RBL1: variants seen among roughly 807,000 people sequenced by gnomAD.
RBL1 encodes retinoblastoma-like protein 1.
RBL1 carries 82 observed loss-of-function variants against 123.0 expected under a neutral mutation model. The ratio of observed to expected loss-of-function variants is 0.67; its 90% CI spans 0.56 to 0.80. RBL1 has a LOEUF of 0.80. RBL1 is among the 30% of genes least tolerant of loss of function. The probability of loss-of-function intolerance (pLI) is 0.00; values close to 1 mark genes in which losing one functional copy is unlikely to be tolerated. For synonymous variants in RBL1, 405 were observed against 441.3 expected, an observed-to-expected ratio of 0.92 and a Z score of 1.03; for missense variants, 1,171 against 1,299.6, an observed-to-expected ratio of 0.90 and a Z score of 1.52.
At position 36,998,744 on chromosome 20, in the gene RBL1, G is replaced by A; in HGVS notation, c.*15C>T. 6.3e-7 allele frequency: 1 copy of A among 1,596,726 alleles called. No individual in the cohort carries two copies. The highest frequency in any genetic ancestry group is 8.6e-7 in the Non-Finnish European group (1 of 1,169,478). Reference sequence around the variant, plus strand: ...ACAATCTGAAAGTGCTTTTATCATAGAAACAAGAACAACATTAATGATTTG... The same window carrying A: ...ACAATCTGAAAGTGCTTTTATCATAAAAACAAGAACAACATTAATGATTTG... On this transcript the variant is annotated 3_prime_UTR_variant, in exon 22 of 22. Coordinates refer to ENST00000373664, the MANE Select transcript of RBL1 (RefSeq NM_002895.5).
chr20:37,014,135 C>T (rs1002878225), intron 19 of RBL1, among the ~76,000 whole-genome samples: 1 of 148,046 alleles, frequency 6.8e-6, no homozygotes, highest in East Asian at 2.0e-4. Flanking sequence ...TGGAGTACAG[C>T]GGCAAGATCA....
At chr20:36,999,845 C>T (rs1260538992) in intron 21 of RBL1, among the ~76,000 whole-genome samples, 4 of 152,198 alleles carry the variant, frequency 2.6e-5, no homozygotes, top group Non-Finnish European at 5.9e-5. Context: ...CTCGCTACAA[C>T]CTCCACTTCC....
At chr20:37,041,142 G>A (rs1349970942) in intron 13 of RBL1, among the ~76,000 whole-genome samples, 4 of 151,790 alleles carry the variant, frequency 2.6e-5, no homozygotes, top group Non-Finnish European at 2.9e-5. Context: ...TTGGGATTAG[G>A]GAAAAATTCA....
chr20:36,998,458 C>T lies in RBL1; in HGVS notation c.*301G>A, dbSNP rs112578965. 904 of 221,842 alleles carry T rather than the reference C, an allele frequency of 4.1e-3. 10 individuals are homozygous for T. Among genetic ancestry groups the T allele is most frequent in the African/African-American group, 0.02 (852 of 42,608 alleles). The allele number at this position is 221,842 out of a possible 1,614,324, so 13.7% of individuals were successfully genotyped here. A position where few individuals can be genotyped will look rare whatever the true frequency, so the allele number is the denominator to read the frequency against. ...AGGCTGGTCTCGAACTCCTGACCTC[C>T]GGTGATCTGCCCGCCTTGGCCTCCC... is the stretch of plus-strand genomic sequence containing the variant. On this transcript the variant is annotated 3_prime_UTR_variant, in exon 22 of 22. Transcript: ENST00000373664.
intron 19 of RBL1, among the ~76,000 whole-genome samples, chr20:37,013,809 A>G (rs914846145): frequency 6.6e-6 from 1 of 152,114 alleles, no homozygotes; most frequent in Non-Finnish European, 1.5e-5. Context: ...CCTGTTCTTG[A>G]GCAAATCTTT....
At chr20:37,090,647 G>C (rs1195010113) in intron 1 of RBL1, among the ~76,000 whole-genome samples, 2 of 152,198 alleles carry the variant, frequency 1.3e-5, no homozygotes, top group African/African-American at 4.8e-5. Context: ...CTTAATGACA[G>C]GGATATATTC....
At chr20:37,006,039 G>C (rs908335333) in intron 20 of RBL1, among the ~76,000 whole-genome samples, 4 of 150,846 alleles carry the variant, frequency 2.7e-5, no homozygotes, top group African/African-American at 9.7e-5. Context: ...GGGACTAAAG[G>C]TGTGTACCAG....
chr20:37,028,941 G>A (rs1201439129), intron 16 of RBL1, among the ~76,000 whole-genome samples: 1 of 152,116 alleles, frequency 6.6e-6, no homozygotes, highest in African/African-American at 2.4e-5. Context: ...GAATATTGGC[G>A]CAAAAATCCT....
rs774211480 is a variant in RBL1, at chr20:37,032,677, T to C, written c.2370A>G (p.Leu790=). ...TAAAAACACATACCTTTCTGTAAAA[T>C]AGTGCTAAGGACCCAGTTCTCTTTG... is the stretch of plus-strand genomic sequence containing the variant. ...NRPKRTGSLA[L]FYRKVYHLAS... Residue 790 remains leucine, a synonymous_variant, in exon 16 of 22, where the codon CTA becomes CTG. Transcript: ENST00000373664. The C allele has an allele frequency of 2.7e-5, 44 of 1,613,874 alleles. No homozygotes were observed. The highest frequency in any genetic ancestry group is 3.6e-5 in the Non-Finnish European group (42 of 1,179,982).
At chr20:37,050,803 A>G (rs897427024) in intron 11 of RBL1, among the ~76,000 whole-genome samples, 8 of 151,980 alleles carry the variant, frequency 5.3e-5, no homozygotes, top group Non-Finnish European at 1.0e-4. Flanking sequence ...ACACAGTAAG[A>G]TACATTTTTA....
chr20:37,038,727 T>A (rs926005460), intron 14 of RBL1, among the ~76,000 whole-genome samples: 3 of 149,042 alleles, frequency 2.0e-5, no homozygotes, highest in Non-Finnish European at 4.5e-5. Flanking sequence ...CTCAACCTCC[T>A]GAGTAGCTGG....
At chr20:37,002,713 G>A (rs2064008590) in intron 21 of RBL1, among the ~76,000 whole-genome samples, 1 of 145,872 alleles carries the variant, frequency 6.9e-6, no homozygotes, top group East Asian at 2.1e-4. Context: ...TTAGAGTAAT[G>A]ATTTTCAACA....
chr20:37,057,597 TA>T (rs1359444247), intron 9 of RBL1, among the ~76,000 whole-genome samples: 2 of 152,224 alleles, frequency 1.3e-5, no homozygotes, highest in Middle Eastern at 3.2e-3. Flanking sequence ...ATATTCTGAG[TA>T]TGAACCCCTT....
chr20:37,045,667 A>T (rs2064808853), intron 12 of RBL1, among the ~76,000 whole-genome samples: 2 of 152,174 alleles, frequency 1.3e-5, no homozygotes, highest in Non-Finnish European at 2.9e-5. Flanking sequence ...GGTTGTTGAC[A>T]AAACTAAACT....
At chr20:37,036,750 T>C (rs756171194) in intron 14 of RBL1, among the ~76,000 whole-genome samples, 14 of 151,404 alleles carry the variant, frequency 9.2e-5, no homozygotes, top group Non-Finnish European at 2.1e-4. Flanking sequence ...CTCAGCCTCC[T>C]GAGTAGCTGG....
chr20:37,000,389 G>A (rs1384008330), intron 21 of RBL1, among the ~76,000 whole-genome samples: 3 of 119,272 alleles, frequency 2.5e-5, no homozygotes, highest in African/African-American at 7.9e-5. Flanking sequence ...CCCCCCGCCC[G>A]GCCAGCCGCC....
intron 19 of RBL1, among the ~76,000 whole-genome samples, chr20:37,013,451 C>CGGAAGG (rs1170856548): frequency 6.6e-6 from 1 of 151,554 alleles, no homozygotes; most frequent in African/African-American, 2.4e-5. Context: ...ACAAACACTG[C>CGGAAGG]GGAAGGCCGC....
chr20:37,001,607 A>C (rs1319650915), intron 21 of RBL1, among the ~76,000 whole-genome samples: 3 of 151,184 alleles, frequency 2.0e-5, no homozygotes, highest in Non-Finnish European at 3.0e-5. Context: ...TCAAGTACCC[A>C]GGGACACAAA....
intron 11 of RBL1, chr20:37,049,776 A>G: frequency 2.0e-6 from 1 of 510,398 alleles, no homozygotes; most frequent in Non-Finnish European, 3.4e-6. Context: ...TAGAGAGAGA[A>G]AAAAGGCCAG....
Sources: allele counts gnomAD v4.1 joint callset (sites outside exome capture counted in the v4.1 genomes callset), GRCh38; gene constraint gnomAD v4.1.1; transcripts MANE v1.5; gene names NCBI Gene and HGNC (gene_info 2026-07-23, HGNC 2026-07-21).